Variants in NME7 observed in about 807,000 individuals in gnomAD.
NME7 encodes the protein NME/NM23 family member 7.
Under a neutral mutation model 49.1 loss-of-function variants are expected in NME7, and 41 were observed. The observed-to-expected ratio is 0.83, with a 90% CI of 0.65 to 1.08. The LOEUF (loss-of-function observed/expected upper bound fraction) is 1.08. NME7 is among the 50% of genes least tolerant of loss of function. The probability of loss-of-function intolerance (pLI) is 0.00; values close to 1 mark genes in which losing one functional copy is unlikely to be tolerated. For synonymous variants in NME7, 139 were observed against 150.6 expected (o/e 0.92, Z 0.56); for missense variants, 423 against 463.4 (o/e 0.91, Z 0.80).
chr1:169,331,193 A>G (rs1037056883), intron 1 of NME7, among the ~76,000 whole-genome samples: 1 of 152,218 alleles, frequency 6.6e-6, no homozygotes, highest in Non-Finnish European at 1.5e-5. Flanking sequence ...ATGTGATATC[A>G]AAAGAATGAA....
intron 10 of NME7, among the ~76,000 whole-genome samples, chr1:169,228,955 T>A (rs934812226): frequency 6.6e-6 from 1 of 152,210 alleles, no homozygotes; most frequent in Non-Finnish European, 1.5e-5. Context: ...TGAAAAGATA[T>A]AAAGGAGGTC....
intron 7 of NME7, among the ~76,000 whole-genome samples, chr1:169,242,906 A>G (rs1269305787): frequency 6.6e-6 from 1 of 152,106 alleles, no homozygotes; most frequent in African/African-American, 2.4e-5. Context: ...TGGATGAAAG[A>G]GCTAAATAAA....
chr1:169,232,921 T>A (rs749327615), intron 9 of NME7, among the ~76,000 whole-genome samples: 213 of 125,288 alleles, frequency 1.7e-3, no homozygotes, highest in African/African-American at 2.6e-3. Flanking sequence ...TCTTTTTTTT[T>A]TTTTTTTTTT....
intron 6 of NME7, 81 bp from the exon 7 acceptor site, chr1:169,287,489 C>G (rs1650323627): frequency 2.0e-6 from 2 of 978,798 alleles, no homozygotes; most frequent in Non-Finnish European, 3.0e-6. Context: ...GGAGGAGAAT[C>G]ATGCAATTAC....
intron 3 of NME7, among the ~76,000 whole-genome samples, chr1:169,319,015 A>AAAATT (rs1210983122): frequency 6.9e-6 from 1 of 144,496 alleles, no homozygotes; most frequent in East Asian, 1.9e-4. Context: ...TGTATTTATT[A>AAAATT]AAATTAAATT....
chr1:169,138,179 T>C (rs569428781), intron 11 of NME7, among the ~76,000 whole-genome samples: 1 of 152,172 alleles, frequency 6.6e-6, no homozygotes, highest in East Asian at 1.9e-4. Flanking sequence ...TGCGTGGTAC[T>C]GCATGCTTGT....
At chr1:169,294,107 T>A (rs575583290) in intron 6 of NME7, among the ~76,000 whole-genome samples, 7 of 152,250 alleles carry the variant, frequency 4.6e-5, no homozygotes, top group Admixed American at 4.6e-4. Context: ...AAAGATAACA[T>A]CCATTCATTA....
At chr1:169,302,933 A>C (rs540918484) in intron 5 of NME7, among the ~76,000 whole-genome samples, 1 of 152,288 alleles carries the variant, frequency 6.6e-6, no homozygotes, top group East Asian at 1.9e-4. Context: ...TTTGCAACTG[A>C]TTAAACTTTA....
At chr1:169,252,806 T>C (rs1446232212) in intron 7 of NME7, among the ~76,000 whole-genome samples, 4 of 148,372 alleles carry the variant, frequency 2.7e-5, no homozygotes, top group African/African-American at 1.0e-4. Flanking sequence ...CAGCACCATT[T>C]ATTAAATAGG....
chr1:169,337,633 T>C (rs1054719852), intron 1 of NME7, among the ~76,000 whole-genome samples: 12 of 152,220 alleles, frequency 7.9e-5, no homozygotes, highest in African/African-American at 2.9e-4. Flanking sequence ...CAGCATGCTG[T>C]CACCTCTCAA....
Position 169,170,230 on chromosome 1 carries a change from T to G in NME7, c.991-676A>C, listed in dbSNP as rs140172718. On this transcript the variant is annotated intron_variant, in intron 10 of 11. Transcript: ENST00000367811. ...GCTATAGTGATTGATAATGATCAGT[T>G]TTAAGGCATAACCATGGATAAGGTT... 2.4e-3 allele frequency among the ~76,000 whole-genome samples: 368 copies of G among 152,214 alleles called. 1 individual carries two copies. The highest frequency in any genetic ancestry group is 8.5e-3 in the African/African-American group (352 of 41,540).
intron 11 of NME7, among the ~76,000 whole-genome samples, chr1:169,148,244 T>C (rs12135928): frequency 0.4 from 60,053 of 152,000 alleles, 12,224 homozygotes; most frequent in East Asian, 0.74. Flanking sequence ...CTCAAGTGAT[T>C]GACCTGCCTT....
intron 6 of NME7, among the ~76,000 whole-genome samples, chr1:169,295,000 G>A (rs1650652364): frequency 6.6e-6 from 1 of 152,014 alleles, no homozygotes; most frequent in Non-Finnish European, 1.5e-5. Flanking sequence ...TCCTCTGAAA[G>A]CTGGTTGTTA....
chr1:169,167,051 T>C (rs1331078422), intron 11 of NME7, among the ~76,000 whole-genome samples: 1 of 152,132 alleles, frequency 6.6e-6, no homozygotes, highest in Non-Finnish European at 1.5e-5. Context: ...ATAAATAACC[T>C]ACAATAATAA....
intron 1 of NME7, among the ~76,000 whole-genome samples, chr1:169,331,450 A>G (rs1459229178): frequency 6.6e-6 from 1 of 152,212 alleles, no homozygotes; most frequent in Non-Finnish European, 1.5e-5. Context: ...GTTGTTCAAC[A>G]TAATAATGGA....
intron 11 of NME7, among the ~76,000 whole-genome samples, chr1:169,147,694 T>C (rs1658798603): frequency 6.6e-6 from 1 of 152,240 alleles, no homozygotes. Flanking sequence ...ATCAAGAGCA[T>C]GACTGTATCA....
chr1:169,139,380 C>G (rs1325180342), intron 11 of NME7, among the ~76,000 whole-genome samples: 1 of 152,168 alleles, frequency 6.6e-6, no homozygotes, highest in Non-Finnish European at 1.5e-5. Flanking sequence ...AATAATTTGC[C>G]TAAAGACATA....
intron 7 of NME7, among the ~76,000 whole-genome samples, chr1:169,281,090 A>C (rs1055444771): frequency 2.6e-5 from 4 of 152,282 alleles, no homozygotes; most frequent in African/African-American, 9.6e-5. Context: ...ATCCATGAGC[A>C]TGGAATGTTT....
rs574706149 is a variant in NME7, at chr1:169,354,114, C to A, written c.3+13594G>T. ...CTGCACTCCCATGTTTATTGCAGCACTATTGACAACAGTCAAAATTTGGAA... is the reference window on the plus strand; with the variant it reads ...CTGCACTCCCATGTTTATTGCAGCAATATTGACAACAGTCAAAATTTGGAA... On this transcript the variant is annotated intron_variant, in intron 1 of 11. Coordinates refer to ENST00000367811, the MANE Select transcript of NME7 (RefSeq NM_013330.5). Among the ~76,000 whole-genome samples, 3 of 152,146 alleles carry A rather than the reference C, an allele frequency of 2.0e-5. No individual in the cohort carries two copies. In the South Asian group the frequency reaches 6.2e-4, roughly 32 times the overall value.
Sources: gnomAD v4.1 joint callset for allele counts (sites outside exome capture counted in the v4.1 genomes callset) on GRCh38, gnomAD v4.1.1 for gene constraint, MANE v1.5 for transcripts, NCBI Gene and HGNC (gene_info 2026-07-23, HGNC 2026-07-21) for gene names.